The following SLC38A10 variants were observed in gnomAD, a reference collection of about 807,000 sequenced individuals.
The protein encoded by SLC38A10 is solute carrier family 38 member 10.
In SLC38A10, 53 loss-of-function variants were observed where a neutral mutation model predicts 81.0. The observed-to-expected ratio is 0.65, with a 90% CI of 0.53 to 0.82. SLC38A10 has a LOEUF of 0.82. Among genes scored for constraint, SLC38A10 ranks in the 40% least tolerant of loss-of-function variants. The pLI, the probability that SLC38A10 is intolerant of heterozygous loss-of-function variation, is 0.00. For missense variants in SLC38A10, 1,471 were observed against 1,545.0 expected (o/e 0.95, Z 0.80); for synonymous variants, 665 against 655.3 (o/e 1.01, Z -0.23).
chr17:81,288,164 C>T lies in SLC38A10; in HGVS notation c.217+1527G>A, dbSNP rs1401926133. 6.6e-6 allele frequency among the ~76,000 whole-genome samples: 1 copy of T among 152,246 alleles called. No homozygotes were observed. The highest frequency in any genetic ancestry group is 1.5e-5 in the Non-Finnish European group (1 of 68,048). On this transcript the variant is annotated intron_variant, in intron 2 of 15. Transcript: ENST00000374759. The surrounding 1 kb of genome is among the most constrained non-coding windows in gnomAD (Gnocchi z 5.4). ...AGGGCCGAAACGAACGCAGGACTCT[C>T]TGTGGCAACATGAAGGGGACTGGGA...
chr17:81,250,137 G>A (rs1293525247), intron 14 of SLC38A10: 2 of 1,278,286 alleles, frequency 1.6e-6, no homozygotes, highest in Non-Finnish European at 2.0e-6. Context: ...GGCAGAATAG[G>A]AAACCGTGAA....
chr17:81,289,728 C>T lies in SLC38A10; in HGVS notation c.180G>A (p.Ser60=), dbSNP rs374211868. Reference sequence around the variant, plus strand: ...AGGTCCTCCGCTTGCTCAGGCTGGCCGACTTCACCAAGAACATGCACGACT... The same window carrying T: ...AGGTCCTCCGCTTGCTCAGGCTGGCTGACTTCACCAAGAACATGCACGACT... ...THQSCMFLVK[S]ASLSKRRTYA... The change falls in exon 2 of 16, where the codon TCG becomes TCA. Residue 60 remains serine, a synonymous_variant. Transcript: ENST00000374759. The surrounding 1 kb of genome is among the most constrained non-coding windows in gnomAD (Gnocchi z 5.9). 9.9e-6 allele frequency: 16 copies of T among 1,611,538 alleles called. No individual in the cohort carries two copies. Among genetic ancestry groups the T allele is most frequent in the Non-Finnish European group, 1.2e-5 (14 of 1,179,742 alleles).
Position 81,280,560 on chromosome 17 carries a change from C to G in SLC38A10, c.626+49G>C, listed in dbSNP as rs780665080. ...GAGAGGGTCCCGTCTCCCAGCAGCT[C>G]GCCCTCCCCGTCACAGAACTCCACC... On this transcript the variant is annotated intron_variant, in intron 6 of 15. Coordinates refer to ENST00000374759, the MANE Select transcript of SLC38A10 (RefSeq NM_001037984.3). The G allele has an allele frequency of 7.5e-6, 12 of 1,602,464 alleles. No individual in the cohort carries two copies. In the African/African-American group the frequency reaches 1.1e-4, roughly 14 times the overall value.
Position 81,270,231 on chromosome 17 carries a change from C to T in SLC38A10, c.1131+687G>A, listed in dbSNP as rs989309600. On this transcript the variant is annotated intron_variant, in intron 10 of 15. Transcript: ENST00000374759. This position sits in a 1 kb window ranked among gnomAD's most constrained non-coding sequence, Gnocchi z 4.0. The stretch of plus-strand genomic sequence containing the variant: ...CACCACATTTACAGATGCTCACACC[C>T]CTGACACAGGATTCCATTTCTAGAA... Among the ~76,000 whole-genome samples, 21 of 152,302 alleles carry T rather than the reference C, an allele frequency of 1.4e-4. No homozygotes were observed. Among genetic ancestry groups the T allele is most frequent in the African/African-American group, 5.1e-4 (21 of 41,562 alleles).
intron 14 of SLC38A10, among the ~76,000 whole-genome samples, chr17:81,248,012 C>CAT (rs2062870105): frequency 1.6e-5 from 2 of 122,304 alleles, no homozygotes; most frequent in African/African-American, 6.2e-5. Context: ...GGCTGGAGTG[C>CAT]AGTGGCGCGA....
chr17:81,287,548 G>A (rs10445406), intron 2 of SLC38A10, among the ~76,000 whole-genome samples: 30,756 of 152,218 alleles, frequency 0.2, 3,350 homozygotes, highest in African/African-American at 0.22. Context: ...CGGAGCTCAC[G>A]CAGTGGAACC....
intron 4 of SLC38A10, 91 bp from the exon 5 acceptor site, chr17:81,282,423 C>A (rs2146946468): frequency 1.3e-6 from 2 of 1,502,286 alleles, no homozygotes; most frequent in East Asian, 5.0e-5. Context: ...GCGCCCCGAG[C>A]CCGAAAGCCG....
At position 81,245,947 on chromosome 17, in the gene SLC38A10, C is replaced by T. The variant is rs771277675; in HGVS notation, c.2969G>A (p.Gly990Glu). ...GTGGGACACAGGCACATGGTCCCCCCCGCGGGCCTTTCTCATCTCCAGGTG... is the reference window on the plus strand; with the variant it reads ...GTGGGACACAGGCACATGGTCCCCCTCGCGGGCCTTTCTCATCTCCAGGTG... ...GGHLEMRKAR[G>E]GDHVPVSHEQ... Residue 990 changes from glycine to glutamate, a missense_variant, in exon 16 of 16, where the codon GGG (glycine) becomes GAG (glutamate). Physicochemically the swap from Gly to Glu is moderately conservative, Grantham distance 98. Transcript: ENST00000374759. 9.3e-6 allele frequency: 15 copies of T among 1,606,872 alleles called. No individual in the cohort carries two copies. The South Asian group carries it at 1.7e-4, about 18-fold the overall frequency.
intron 8 of SLC38A10, among the ~76,000 whole-genome samples, chr17:81,272,965 T>C (rs973440426): frequency 2.0e-5 from 3 of 152,142 alleles, no homozygotes; most frequent in South Asian, 2.1e-4. Flanking sequence ...TGCCAGGAAG[T>C]ATGGAGAGCA....
Position 81,246,413 on chromosome 17 carries a change from C to T in SLC38A10, c.2503G>A (p.Asp835Asn). The change falls in exon 16 of 16, where the codon GAT becomes AAT. Residue 835 changes from aspartate to asparagine, a missense_variant. This residue lies in a region of SLC38A10 where 751 missense variants were observed against 717.4 expected (regional missense o/e 1.05). Coordinates refer to ENST00000374759, the MANE Select transcript of SLC38A10 (RefSeq NM_001037984.3). The part of the protein sequence containing the change: ...EPRAAQAKLR[D>N]GQKDAAPRAA... ...CTGGGGGCGGCATCCTTCTGGCCAT[C>T]TCTCAGCTTGGCCTGGGCTGCCCGA... 1 of 1,601,596 alleles carries T rather than the reference C, an allele frequency of 6.2e-7. No homozygotes were observed. Among genetic ancestry groups the T allele is most frequent in the Non-Finnish European group, 8.5e-7 (1 of 1,175,260 alleles).
chr17:81,269,067 G>A (rs1046818184), intron 10 of SLC38A10, among the ~76,000 whole-genome samples: 1 of 152,172 alleles, frequency 6.6e-6, no homozygotes, highest in Non-Finnish European at 1.5e-5. Context: ...ATTCAACAAG[G>A]AGATATAACC....
Position 81,283,372 on chromosome 17 carries a change from G to C in SLC38A10, c.357+37C>G, listed in dbSNP as rs2063232856. ...ACAGAGGGCCTCAGAGCAGCCGTCA[G>C]CATCTGAACAACCCAGAACCCTGAA... On this transcript the variant is annotated intron_variant, in intron 4 of 15. Coordinates refer to ENST00000374759, the MANE Select transcript of SLC38A10 (RefSeq NM_001037984.3). The surrounding 1 kb of genome is among the most constrained non-coding windows in gnomAD (Gnocchi z 4.7). The C allele has an allele frequency of 6.3e-7, 1 of 1,579,252 alleles. No homozygotes were observed. Among genetic ancestry groups the C allele is most frequent in the African/African-American group, 1.4e-5 (1 of 74,044 alleles).
rs896825735 is a variant in SLC38A10, at chr17:81,245,275, G to A, written c.*281C>T. ...AGCCTGGGAGTGCACCAGCCAGCTCGCAGCGGAGGCCGTTTCTCCTCACAG... is the reference window on the plus strand; with the variant it reads ...AGCCTGGGAGTGCACCAGCCAGCTCACAGCGGAGGCCGTTTCTCCTCACAG... On this transcript the variant is annotated 3_prime_UTR_variant, in exon 16 of 16. Transcript: ENST00000374759. 3.4e-5 allele frequency: 13 copies of A among 380,508 alleles called. No homozygotes were observed. The highest frequency in any genetic ancestry group is 2.2e-4 in the Admixed American group (5 of 23,206). The allele number at this position is 380,508 out of a possible 1,614,324, so 23.6% of individuals were successfully genotyped here.
rs760183772 is a variant in SLC38A10, at chr17:81,270,817, C to G, written c.1131+101G>C. On this transcript the variant is annotated intron_variant, in intron 10 of 15. Transcript: ENST00000374759. The surrounding 1 kb of genome is among the most constrained non-coding windows in gnomAD (Gnocchi z 4.0). ...GTGGGTTTTAAGTTTCTTGATAGAA[C>G]CCATCTGAAAACGCTGAACCAGGGG... is the stretch of plus-strand genomic sequence containing the variant. The G allele has an allele frequency of 1.1e-6, 1 of 944,716 alleles. No individual in the cohort carries two copies. Among genetic ancestry groups the G allele is most frequent in the Non-Finnish European group, 1.6e-6 (1 of 610,984 alleles). 58.5% of individuals were successfully genotyped at this position (944,716 alleles called of 1,614,324 possible). A position where few individuals can be genotyped will look rare whatever the true frequency, so the allele number is the denominator to read the frequency against.
intron 6 of SLC38A10, chr17:81,280,297 T>C: frequency 2.0e-6 from 1 of 493,402 alleles, no homozygotes; most frequent in South Asian, 2.0e-5. Flanking sequence ...AGCGCTCGAC[T>C]CTGTGCAGTC....
At chr17:81,273,103 C>T (rs2063131783) in intron 8 of SLC38A10, among the ~76,000 whole-genome samples, 2 of 152,146 alleles carry the variant, frequency 1.3e-5, no homozygotes, top group Admixed American at 1.3e-4. Context: ...AGCAGATGTG[C>T]AACAAGCAGT....
Position 81,283,939 on chromosome 17 carries a change from T to C in SLC38A10, c.264-437A>G, listed in dbSNP as rs1439073366. 6.6e-6 allele frequency among the ~76,000 whole-genome samples: 1 copy of C among 151,294 alleles called. No individual in the cohort carries two copies. Among genetic ancestry groups the C allele is most frequent in the Non-Finnish European group, 1.5e-5 (1 of 67,894 alleles). ...GATGTGATTTCAAACGCGCCCCAGT[T>C]CACAGGGCGCGGGCAGGTTCTGTGG... is the stretch of plus-strand genomic sequence containing the variant. On this transcript the variant is annotated intron_variant, in intron 3 of 15. Transcript: ENST00000374759. The surrounding 1 kb of genome is among the most constrained non-coding windows in gnomAD (Gnocchi z 4.7).
Position 81,245,904 on chromosome 17 carries a change from C to G in SLC38A10, c.3012G>C (p.Gly1004=). 6.2e-7 allele frequency: 1 copy of G among 1,612,114 alleles called. No individual in the cohort carries two copies. Among genetic ancestry groups the G allele is most frequent in the Non-Finnish European group, 8.5e-7 (1 of 1,179,502 alleles). The change falls in exon 16 of 16, where the codon GGG becomes GGC. Residue 1004 remains glycine, a synonymous_variant. Coordinates refer to ENST00000374759, the MANE Select transcript of SLC38A10 (RefSeq NM_001037984.3). The part of the protein sequence containing the change: ...VPVSHEQPRG[G]EDAAVQEPRQ... ...TGGGCTCCTGGACAGCAGCGTCCTC[C>G]CCGCCTCTCGGCTGCTCGTGGGACA...
Position 81,294,855 on chromosome 17 carries a change from T to C in SLC38A10, c.67A>G (p.Ser23Gly). 6.3e-7 allele frequency: 1 copy of C among 1,599,074 alleles called. No homozygotes were observed. Among genetic ancestry groups the C allele is most frequent in the Non-Finnish European group, 8.5e-7 (1 of 1,174,092 alleles). Residue 23 changes from serine (S) to glycine (G), a missense_variant, in exon 1 of 16, where the codon AGT (serine) becomes GGT (glycine). This residue lies in a region of SLC38A10 where 720 missense variants were observed against 827.7 expected (regional missense o/e 0.87). Coordinates refer to ENST00000374759, the MANE Select transcript of SLC38A10 (RefSeq NM_001037984.3). Reference protein sequence around the residue: ...TNIVNSIVGVSVLTMPFCFKQ... With the variant: ...TNIVNSIVGVGVLTMPFCFKQ... ...AAGCAGAAGGGCATGGTGAGGACACTGACCCCTACGATGCTGTTCACGATG... is the reference window on the plus strand; with the variant it reads ...AAGCAGAAGGGCATGGTGAGGACACCGACCCCTACGATGCTGTTCACGATG...
Sources: allele counts gnomAD v4.1 joint callset (sites outside exome capture counted in the v4.1 genomes callset), GRCh38; gene constraint gnomAD v4.1.1; regional missense constraint gnomAD v4.1.1; non-coding constraint Gnocchi (gnomAD v3.1); transcripts MANE v1.5; gene names NCBI Gene and HGNC (gene_info 2026-07-23, HGNC 2026-07-21).